HDAC4: variants seen among roughly 807,000 people sequenced by gnomAD.
HDAC4 encodes the protein histone deacetylase A.
HDAC4 carries 16 observed loss-of-function variants against 135.1 expected under a neutral mutation model. That is an observed-to-expected ratio of 0.12 (90% CI 0.08 to 0.18). HDAC4 has a LOEUF of 0.18. Among genes scored for constraint, HDAC4 ranks in the 10% least tolerant of loss-of-function variants. The pLI is 1.00. For missense variants in HDAC4, 1,143 were observed against 1,511.8 expected (o/e 0.76, Z 4.05); for synonymous variants, 685 against 653.4 (o/e 1.05, Z -0.74).
intron 2 of HDAC4, among the ~76,000 whole-genome samples, chr2:239,295,254 C>A (rs571069744): frequency 6.9e-4 from 94 of 136,086 alleles, no homozygotes; most frequent in African/African-American, 2.6e-3. Context: ...TTGCAGTGAG[C>A]CGAGATCGCG....
chr2:239,155,376 A>G (rs956893184), intron 7 of HDAC4: 2 of 148,588 alleles, frequency 1.3e-5, no homozygotes, highest in African/African-American at 5.0e-5. Context: ...AACACACCCT[A>G]ATAGAGCCCA....
intron 1 of HDAC4, among the ~76,000 whole-genome samples, chr2:239,390,396 T>C (rs1022795263): frequency 6.6e-6 from 1 of 152,102 alleles, no homozygotes; most frequent in Non-Finnish European, 1.5e-5. Context: ...TAGCCAGCCA[T>C]GGTGGCATGC....
At chr2:239,246,026 G>A (rs1028647917) in intron 2 of HDAC4, among the ~76,000 whole-genome samples, 1 of 152,220 alleles carries the variant, frequency 6.6e-6, no homozygotes, top group Non-Finnish European at 1.5e-5. Flanking sequence ...CCGCCATGGG[G>A]TCTGCCTGGT....
chr2:239,206,399 C>CAA (rs914416418), intron 3 of HDAC4, among the ~76,000 whole-genome samples: 12 of 151,762 alleles, frequency 7.9e-5, no homozygotes, highest in African/African-American at 2.9e-4. Flanking sequence ...TACGTGCACA[C>CAA]ACACACACAC....
At chr2:239,198,098 G>T (rs34041354) in intron 3 of HDAC4, among the ~76,000 whole-genome samples, 37,136 of 151,898 alleles carry the variant, frequency 0.24, 4,579 homozygotes, top group Non-Finnish European at 0.26. Flanking sequence ...CTCTCGCTGT[G>T]GCCTCCCAAA....
chr2:239,342,511 G>GA (rs1232702737), intron 2 of HDAC4, among the ~76,000 whole-genome samples: 3 of 151,956 alleles, frequency 2.0e-5, no homozygotes, highest in Non-Finnish European at 4.4e-5. Flanking sequence ...TCTGTATTTT[G>GA]AAAAAAACAA....
In HDAC4 at chr2:239,271,201, C is replaced by A. The variant is rs2050040300; in HGVS notation, c.23-34537G>T. Among the ~76,000 whole-genome samples, 4 of 152,178 alleles carry A rather than the reference C, an allele frequency of 2.6e-5. No homozygotes were observed. The South Asian group carries it at 8.3e-4, about 31-fold the overall frequency. On this transcript the variant is annotated intron_variant, in intron 2 of 26. Coordinates refer to ENST00000543185, the MANE Select transcript of HDAC4 (RefSeq NM_001378414.1). ...TGATCACGGCTCACTGCAGCCTCGA[C>A]TTCCTGGGCTCAGGTGATCCTCCCA... is the stretch of plus-strand genomic sequence containing the variant.
chr2:239,369,337 G>C (rs1694442175), intron 1 of HDAC4, among the ~76,000 whole-genome samples: 1 of 152,144 alleles, frequency 6.6e-6, no homozygotes, highest in African/African-American at 2.4e-5. Context: ...CCTGCTGGTG[G>C]CAGCAAGCCG....
chr2:239,389,365 T>C (rs13429717), intron 1 of HDAC4, among the ~76,000 whole-genome samples: 2,570 of 152,250 alleles, frequency 0.017, 78 homozygotes, highest in African/African-American at 0.058. Flanking sequence ...TTGTAACACT[T>C]GCCGCGAAGG....
At chr2:239,088,898 A>G (rs1157943382) in intron 18 of HDAC4, among the ~76,000 whole-genome samples, 1 of 152,136 alleles carries the variant, frequency 6.6e-6, no homozygotes, top group Non-Finnish European at 1.5e-5. Context: ...GACTTTTTTG[A>G]TACTGTATGG....
At chr2:239,199,535 G>T (rs528583753) in intron 3 of HDAC4, among the ~76,000 whole-genome samples, 1 of 146,754 alleles carries the variant, frequency 6.8e-6, no homozygotes, top group Non-Finnish European at 1.5e-5. Flanking sequence ...TGAAAATCCT[G>T]AGTGGGTCTC....
intron 7 of HDAC4, among the ~76,000 whole-genome samples, chr2:239,148,304 G>A (rs1467545771): frequency 6.6e-6 from 1 of 152,088 alleles, no homozygotes; most frequent in Non-Finnish European, 1.5e-5. Context: ...TGTCAGAAGG[G>A]GGAATAAAAG....
At chr2:239,192,712 G>T (rs746673899) in intron 3 of HDAC4, among the ~76,000 whole-genome samples, 10 of 152,178 alleles carry the variant, frequency 6.6e-5, no homozygotes, top group Non-Finnish European at 1.0e-4. Context: ...TTGGCACGCG[G>T]TTCTCCTGGG....
intron 2 of HDAC4, among the ~76,000 whole-genome samples, chr2:239,345,438 A>C (rs531631730): frequency 6.6e-6 from 1 of 151,912 alleles, no homozygotes; most frequent in Non-Finnish European, 1.5e-5. Context: ...TGCATGCCAG[A>C]GGTGGTCCCA....
chr2:239,369,948 G>C (rs915364000), intron 1 of HDAC4, among the ~76,000 whole-genome samples: 2 of 152,250 alleles, frequency 1.3e-5, no homozygotes, highest in African/African-American at 4.8e-5. Flanking sequence ...GGTGGGCGGA[G>C]AGAATCATAG....
chr2:239,128,430 G>A (rs2040344143), intron 11 of HDAC4, among the ~76,000 whole-genome samples: 1 of 151,948 alleles, frequency 6.6e-6, no homozygotes, highest in Non-Finnish European at 1.5e-5. Flanking sequence ...TCAGGAGGCT[G>A]AGGCAGAAGA....
intron 12 of HDAC4, among the ~76,000 whole-genome samples, chr2:239,125,588 C>T (rs150604960): frequency 9.2e-5 from 14 of 151,958 alleles, no homozygotes; most frequent in Middle Eastern, 3.4e-3. Context: ...CATCTCTGGC[C>T]GCAGAGCTGT....
At chr2:239,261,181 C>G (rs1360692175) in intron 2 of HDAC4, among the ~76,000 whole-genome samples, 1 of 152,168 alleles carries the variant, frequency 6.6e-6, no homozygotes, top group African/African-American at 2.4e-5. Flanking sequence ...TAAGACTGAG[C>G]CCAGCTGGCC....
intron 12 of HDAC4, among the ~76,000 whole-genome samples, chr2:239,124,796 TATGACATTCCACGTTATGTGAC>T (rs2040033558): frequency 9.4e-6 from 1 of 106,948 alleles, no homozygotes; most frequent in Admixed American, 9.4e-5. Context: ...GGCCGCGTTA[TATGACATTCCACGTTATGTGAC>T]ATTCCGGTGT....
Sources: gnomAD v4.1 joint callset for allele counts (sites outside exome capture counted in the v4.1 genomes callset) on GRCh38, gnomAD v4.1.1 for gene constraint, MANE v1.5 for transcripts, NCBI Gene and HGNC (gene_info 2026-07-23, HGNC 2026-07-21) for gene names.